SPON1: variants seen among roughly 807,000 people sequenced by gnomAD.
SPON1 encodes the protein spondin-1.
Under a neutral mutation model 111.7 loss-of-function variants are expected in SPON1, and 52 were observed. That is an observed-to-expected ratio of 0.47 (90% CI 0.37 to 0.59). The LOEUF (loss-of-function observed/expected upper bound fraction) is 0.59, where lower values mean the gene tolerates loss of function less well. SPON1 is among the 20% of genes least tolerant of loss of function. The pLI, the probability that SPON1 is intolerant of heterozygous loss-of-function variation, is 0.00. For synonymous variants in SPON1, 410 were observed against 395.8 expected, an observed-to-expected ratio of 1.04 and a Z score of -0.43; for missense variants, 957 against 1,068.5, an observed-to-expected ratio of 0.90 and a Z score of 1.46.
At chr11:14,136,666 G>C (rs1319026146) in intron 6 of SPON1, among the ~76,000 whole-genome samples, 1 of 152,136 alleles carries the variant, frequency 6.6e-6, no homozygotes, top group African/African-American at 2.4e-5. Flanking sequence ...AATCAGTTTG[G>C]ACTAGAGTCG....
At chr11:14,041,157 T>G (rs1458569387) in intron 2 of SPON1, among the ~76,000 whole-genome samples, 1 of 152,244 alleles carries the variant, frequency 6.6e-6, no homozygotes, top group Non-Finnish European at 1.5e-5. Flanking sequence ...TATGAAGTTT[T>G]GCTATGCAGT....
chr11:14,051,580 A>G (rs551003299), intron 3 of SPON1, among the ~76,000 whole-genome samples: 9 of 151,714 alleles, frequency 5.9e-5, no homozygotes, highest in Admixed American at 3.3e-4. Flanking sequence ...TCTCTCTGTC[A>G]TTCACTATGT....
At chr11:14,234,575 G>A (rs551528984) in intron 6 of SPON1, among the ~76,000 whole-genome samples, 7 of 152,318 alleles carry the variant, frequency 4.6e-5, no homozygotes, top group South Asian at 2.1e-4. Flanking sequence ...AGTAAATGCC[G>A]ATGGCCAGTG....
chr11:14,051,938 T>C (rs1208579592), intron 3 of SPON1, among the ~76,000 whole-genome samples: 2 of 152,224 alleles, frequency 1.3e-5, no homozygotes, highest in Non-Finnish European at 2.9e-5. Context: ...AGCTGATGTT[T>C]AGACAGTTGA....
intron 6 of SPON1, among the ~76,000 whole-genome samples, chr11:14,202,622 T>C (rs1848475835): frequency 6.6e-6 from 1 of 152,198 alleles, no homozygotes; most frequent in African/African-American, 2.4e-5. Context: ...AACCTGTTCG[T>C]CCCTTTGAGC....
chr11:14,161,251 ATT>A (rs1554931266), intron 6 of SPON1, among the ~76,000 whole-genome samples: 11 of 53,254 alleles, frequency 2.1e-4, no homozygotes, highest in African/African-American at 5.7e-4. Flanking sequence ...ATATCTATAT[ATT>A]TATATATTTA....
intron 5 of SPON1, among the ~76,000 whole-genome samples, chr11:14,085,879 T>G (rs149401403): frequency 0.013 from 2,009 of 152,238 alleles, 38 homozygotes; most frequent in Admixed American, 0.04. Context: ...TTGTAAGTTG[T>G]ATTCCTAGGT....
chr11:14,017,230 G>A (rs1233685413), intron 2 of SPON1, among the ~76,000 whole-genome samples: 2 of 152,078 alleles, frequency 1.3e-5, no homozygotes, highest in African/African-American at 4.8e-5. Context: ...TAATGTCATT[G>A]TTTCTTTAAG....
At chr11:14,238,664 T>G (rs1246421412) in intron 6 of SPON1, among the ~76,000 whole-genome samples, 1 of 152,150 alleles carries the variant, frequency 6.6e-6, no homozygotes, top group Non-Finnish European at 1.5e-5. Context: ...TGAACCCGCT[T>G]CCCTCCAGAC....
intron 5 of SPON1, among the ~76,000 whole-genome samples, chr11:14,115,916 T>A (rs1221127128): frequency 6.6e-6 from 1 of 152,192 alleles, no homozygotes; most frequent in Non-Finnish European, 1.5e-5. Flanking sequence ...ATTGTTGATA[T>A]GGTTTTGTTT....
intron 6 of SPON1, among the ~76,000 whole-genome samples, chr11:14,170,407 G>A (rs1293203245): frequency 6.6e-6 from 1 of 152,128 alleles, no homozygotes; most frequent in African/African-American, 2.4e-5. Context: ...TGAGAAGGTG[G>A]GGTTTTCTAG....
chr11:14,158,449 CA>C (rs1847874118), intron 6 of SPON1, among the ~76,000 whole-genome samples: 2 of 152,178 alleles, frequency 1.3e-5, no homozygotes, highest in South Asian at 4.1e-4. Flanking sequence ...ACAGCAGTGC[CA>C]AACATCAGGC....
chr11:14,133,115 A>G (rs1396572279), intron 5 of SPON1, among the ~76,000 whole-genome samples: 4 of 152,204 alleles, frequency 2.6e-5, no homozygotes, highest in Admixed American at 1.3e-4. Context: ...TTAACAGCAC[A>G]TAGGATACTG....
At chr11:14,004,353 C>T (rs1241293623) in intron 2 of SPON1, among the ~76,000 whole-genome samples, 1 of 152,070 alleles carries the variant, frequency 6.6e-6, no homozygotes, top group Admixed American at 6.6e-5. Flanking sequence ...AGGTAAATAC[C>T]CAGAAGTCGG....
At chr11:13,974,432 A>G (rs1848086939) in intron 1 of SPON1, among the ~76,000 whole-genome samples, 1 of 152,212 alleles carries the variant, frequency 6.6e-6, no homozygotes. Context: ...ATGGAACTGG[A>G]CAAGATCCAG....
rs1554942031 is a variant in SPON1 at position 14,262,759 on chromosome 11, A to C, written c.2044A>C (p.Lys682Gln). The C allele has an allele frequency of 6.2e-7, 1 of 1,613,844 alleles. No homozygotes were observed. Among genetic ancestry groups the C allele is most frequent in the African/African-American group, 1.3e-5 (1 of 74,902 alleles). The change falls in exon 15 of 16, where the codon AAG becomes CAG. Residue 682 changes from lysine to glutamine, a missense_variant. Physicochemically the swap from Lys to Gln is moderately conservative, Grantham distance 53 (BLOSUM62 1). Coordinates refer to ENST00000576479, the MANE Select transcript of SPON1 (RefSeq NM_006108.4). ...GTGGTCCCAGTGGTCGGAATGTAAC[A>C]AGTCATGTGGGAAAGGCCACGTGAT... ...TEWSQWSECN[K>Q]SCGKGHVIRT...
chr11:14,172,076 A>G (rs1425985824), intron 6 of SPON1, among the ~76,000 whole-genome samples: 1 of 152,090 alleles, frequency 6.6e-6, no homozygotes, highest in Non-Finnish European at 1.5e-5. Flanking sequence ...TGATCTGTCT[A>G]ATGTTGACAG....
intron 1 of SPON1, among the ~76,000 whole-genome samples, chr11:13,976,261 A>C (rs12575169): frequency 0.17 from 25,787 of 151,946 alleles, 2,822 homozygotes; most frequent in Non-Finnish European, 0.25. Context: ...AATTTCTTGG[A>C]TCTCTTAATA....
At chr11:14,176,059 G>A (rs1358250474) in intron 6 of SPON1, among the ~76,000 whole-genome samples, 2 of 152,068 alleles carry the variant, frequency 1.3e-5, no homozygotes, top group Admixed American at 6.6e-5. Context: ...CCTCTGAAGG[G>A]TAATTCATAT....
Sources: gnomAD v4.1 joint callset for allele counts (sites outside exome capture counted in the v4.1 genomes callset) on GRCh38, gnomAD v4.1.1 for gene constraint, MANE v1.5 for transcripts, NCBI Gene and HGNC (gene_info 2026-07-23, HGNC 2026-07-21) for gene names.